The following PDE4D variants were observed in gnomAD, a reference collection of about 807,000 sequenced individuals.
The protein encoded by PDE4D is phosphodiesterase 4D.
A neutral mutation model predicts 87.4 loss-of-function variants in PDE4D; 24 were observed. That is an observed-to-expected ratio of 0.27 (90% CI 0.20 to 0.39). The LOEUF is 0.39. PDE4D is among the 10% of genes least tolerant of loss of function. PDE4D has a pLI of 1.00. For missense variants in PDE4D, 714 were observed against 1,041.0 expected, an observed-to-expected ratio of 0.69 and a Z score of 4.32; for synonymous variants, 384 against 383.2, an observed-to-expected ratio of 1.00 and a Z score of -0.02.
At chr5:59,506,874 G>C (rs1809357650) in intron 1 of PDE4D, among the ~76,000 whole-genome samples, 1 of 152,060 alleles carries the variant, frequency 6.6e-6, no homozygotes, top group Admixed American at 6.6e-5. Context: ...TGAGAAAACT[G>C]TCTGTCAGTC....
At chr5:59,851,784 C>T (rs1378810073) in intron 1 of PDE4D, among the ~76,000 whole-genome samples, 1 of 151,922 alleles carries the variant, frequency 6.6e-6, no homozygotes, top group African/African-American at 2.4e-5. Flanking sequence ...TTACGCAGTA[C>T]AGAATGGCAG....
chr5:59,652,285 G>A (rs145569646), intron 1 of PDE4D, among the ~76,000 whole-genome samples: 3 of 152,336 alleles, frequency 2.0e-5, no homozygotes, highest in East Asian at 1.9e-4. Flanking sequence ...GTCTCTGCCT[G>A]TGGCCATTCA....
At chr5:60,355,403 T>C (rs1396182172) in intron 1 of PDE4D, among the ~76,000 whole-genome samples, 1 of 152,238 alleles carries the variant, frequency 6.6e-6, no homozygotes. Context: ...TACAGTCTCC[T>C]GGCAGAGGGC....
At chr5:59,941,289 C>T (rs1215227320) in intron 3 of PDE4D, among the ~76,000 whole-genome samples, 1 of 152,204 alleles carries the variant, frequency 6.6e-6, no homozygotes, top group African/African-American at 2.4e-5. Context: ...AGCTGTTCAA[C>T]TCCACTAATT....
rs1829108625 is a variant in PDE4D at position 59,612,249 on chromosome 5, G to GTTTC, written c.455+280918_455+280919insGAAA. On this transcript the variant is annotated intron_variant, in intron 1 of 14. Transcript: ENST00000340635. ...TTGACACTGTTTTTTTTGTTTGTTT[G>GTTTC]TTTGTTTTAGATTTGGAAAAAAATT... Among the ~76,000 whole-genome samples, 3 of 150,234 alleles carry GTTTC rather than the reference G, an allele frequency of 2.0e-5. No individual in the cohort carries two copies. In the South Asian group the frequency reaches 6.3e-4, roughly 32 times the overall value.
intron 1 of PDE4D, among the ~76,000 whole-genome samples, chr5:59,857,062 C>G (rs7718249): frequency 6.6e-6 from 1 of 151,956 alleles, no homozygotes; most frequent in African/African-American, 2.4e-5. Flanking sequence ...CATCTGCCAG[C>G]TTCTAAATCT....
rs182756561 is a variant in PDE4D, at chr5:59,297,249, T to G, written c.456-81281A>C. On this transcript the variant is annotated intron_variant, in intron 1 of 14. Coordinates refer to ENST00000340635, the MANE Select transcript of PDE4D (RefSeq NM_001104631.2). ...GAATCTATCAACATTGTGACATTTG[T>G]TTAGGCTTCTATAAGTGAGAAAATG... Among the ~76,000 whole-genome samples, 258 of 152,332 alleles carry G rather than the reference T, an allele frequency of 1.7e-3. 1 individual carries two copies. Among genetic ancestry groups the G allele is most frequent in the African/African-American group, 5.6e-3 (234 of 41,582 alleles).
chr5:60,119,918 C>G (rs1185168755), intron 2 of PDE4D, among the ~76,000 whole-genome samples: 1 of 152,046 alleles, frequency 6.6e-6, no homozygotes, highest in African/African-American at 2.4e-5. Context: ...GGACCTGAAG[C>G]CACAGATTCA....
chr5:60,250,684 C>T (rs2149682013), intron 1 of PDE4D, among the ~76,000 whole-genome samples: 1 of 152,050 alleles, frequency 6.6e-6, no homozygotes. Flanking sequence ...AATTAGAGCA[C>T]ACACAATTAT....
intron 1 of PDE4D, among the ~76,000 whole-genome samples, chr5:59,424,785 T>C (rs1228739944): frequency 6.6e-6 from 1 of 152,164 alleles, no homozygotes; most frequent in Non-Finnish European, 1.5e-5. Context: ...TCATTTGCTA[T>C]TAGGATGAGC....
At chr5:59,841,494 C>G (rs1742985440) in intron 1 of PDE4D, among the ~76,000 whole-genome samples, 1 of 151,984 alleles carries the variant, frequency 6.6e-6, no homozygotes, top group Non-Finnish European at 1.5e-5. Flanking sequence ...GTAGATTTTT[C>G]ATTACATATA....
chr5:59,115,737 G>T (rs1174542489), intron 5 of PDE4D, among the ~76,000 whole-genome samples: 2 of 152,072 alleles, frequency 1.3e-5, no homozygotes, highest in African/African-American at 4.8e-5. Flanking sequence ...AATAATTGAG[G>T]TATAATAGAT....
chr5:60,177,397 G>T (rs1473329200), intron 2 of PDE4D, among the ~76,000 whole-genome samples: 1 of 151,820 alleles, frequency 6.6e-6, no homozygotes, highest in African/African-American at 2.4e-5. Context: ...AACATATATG[G>T]GTAAATTAAG....
rs538107879 is a variant in PDE4D at position 59,613,695 on chromosome 5, G to A, written c.455+279473C>T. The stretch of plus-strand genomic sequence containing the variant: ...GGTAGGTATTCAGCATCAGTGTAGA[G>A]ACACCTGCTTTGTAATATTTATTTG... On this transcript the variant is annotated intron_variant, in intron 1 of 14. Coordinates refer to ENST00000340635, the MANE Select transcript of PDE4D (RefSeq NM_001104631.2). Among the ~76,000 whole-genome samples the A allele has an allele frequency of 1.6e-4, 24 of 152,240 alleles. 1 individual carries two copies. The highest frequency in any genetic ancestry group is 1.6e-3 in the Admixed American group (24 of 15,276).
At chr5:59,581,119 T>C (rs1248177886) in intron 1 of PDE4D, among the ~76,000 whole-genome samples, 2 of 152,120 alleles carry the variant, frequency 1.3e-5, no homozygotes, top group Non-Finnish European at 2.9e-5. Flanking sequence ...GAGACATTTT[T>C]GAGCTATTGC....
intron 1 of PDE4D, among the ~76,000 whole-genome samples, chr5:60,187,963 G>T (rs1266448416): frequency 1.3e-5 from 2 of 152,144 alleles, no homozygotes; most frequent in African/African-American, 4.8e-5. Context: ...TATTGTCTAG[G>T]AGAATGTTTG....
intron 2 of PDE4D, among the ~76,000 whole-genome samples, chr5:60,092,080 A>G (rs1472753399): frequency 6.9e-6 from 1 of 144,580 alleles, no homozygotes; most frequent in Non-Finnish European, 1.5e-5. Flanking sequence ...AAAAAAAAAG[A>G]AAATGTGAAA....
intron 2 of PDE4D, among the ~76,000 whole-genome samples, chr5:60,163,853 G>A (rs1433813435): frequency 6.6e-6 from 1 of 152,128 alleles, no homozygotes; most frequent in Non-Finnish European, 1.5e-5. Context: ...CAAATGAAAA[G>A]AAGAAGCCTG....
At chr5:59,668,790 GA>G (rs1459375945) in intron 1 of PDE4D, among the ~76,000 whole-genome samples, 36 of 136,952 alleles carry the variant, frequency 2.6e-4, no homozygotes, top group African/African-American at 9.7e-4. Flanking sequence ...AGAAGAAGAA[GA>G]AAGAAGAAGA....
Sources: gnomAD v4.1 joint callset for allele counts (sites outside exome capture counted in the v4.1 genomes callset) on GRCh38, gnomAD v4.1.1 for gene constraint, MANE v1.5 for transcripts, NCBI Gene and HGNC (gene_info 2026-07-23, HGNC 2026-07-21) for gene names.